Variants in EPG5 observed in about 807,000 individuals in gnomAD.
EPG5 encodes the protein ectopic P-granules 5 autophagy tethering factor, also known as ectopic P granules protein 5 homolog.
In EPG5, 159 loss-of-function variants were observed where a neutral mutation model predicts 302.7. The ratio of observed to expected loss-of-function variants is 0.53; its 90% confidence interval spans 0.46 to 0.60. The LOEUF is 0.60. Among genes scored for constraint, EPG5 ranks in the 20% least tolerant of loss-of-function variants. The probability of loss-of-function intolerance (pLI) is 0.00; values close to 1 mark genes in which losing one functional copy is unlikely to be tolerated. For synonymous variants in EPG5, 1,158 were observed against 1,136.8 expected, an observed-to-expected ratio of 1.02 and a Z score of -0.37; for missense variants, 2,896 against 3,092.4, an observed-to-expected ratio of 0.94 and a Z score of 1.51.
At position 45,879,218 on chromosome 18, in the gene EPG5, G is replaced by A; in HGVS notation, c.5668-4C>T. The A allele has an allele frequency of 6.3e-7, 1 of 1,596,966 alleles. No individual in the cohort carries two copies. Among genetic ancestry groups the A allele is most frequent in the Non-Finnish European group, 8.5e-7 (1 of 1,174,098 alleles). On this transcript the variant is annotated splice_region_variant and splice_polypyrimidine_tract_variant and intron_variant, in intron 32 of 43. Coordinates refer to ENST00000282041, the MANE Select transcript of EPG5 (RefSeq NM_020964.3). Reference sequence around the variant, plus strand: ...GCCACTGTATAGTCTCCATTACCTGGAAGAGACAACTAGTCAAAAAATGCT... The same window carrying A: ...GCCACTGTATAGTCTCCATTACCTGAAAGAGACAACTAGTCAAAAAATGCT...
At chr18:45,840,061 G>A in the EPG5 span, 1 of 765,330 alleles carries the variant, frequency 1.3e-6, no homozygotes, top group South Asian at 2.2e-5. Context: ...AGGGTTCCAT[G>A]GCACAGCTTC....
At chr18:45,854,180 G>A (rs2048468744) in intron 43 of EPG5, among the ~76,000 whole-genome samples, 1 of 152,136 alleles carries the variant, frequency 6.6e-6, no homozygotes, top group Non-Finnish European at 1.5e-5. Flanking sequence ...CTGCCCACTG[G>A]GATGTTTCAT....
At chr18:45,955,372 T>C in intron 1 of EPG5, 34 bp from the exon 2 acceptor site, 3 of 1,382,104 alleles carry the variant, frequency 2.2e-6, no homozygotes, top group Non-Finnish European at 1.9e-6. Context: ...AAATAATTTA[T>C]CACAATAATT....
At chr18:45,870,886 T>G in intron 35 of EPG5, 144 bp from the exon 36 acceptor site, 2 of 619,014 alleles carry the variant, frequency 3.2e-6, no homozygotes, top group Non-Finnish European at 5.4e-6. Context: ...GGAGAGTGGT[T>G]AAGGGGACTA....
chr18:45,963,492 C>G (rs1320875953), intron 1 of EPG5, among the ~76,000 whole-genome samples: 1 of 152,128 alleles, frequency 6.6e-6, no homozygotes, highest in African/African-American at 2.4e-5. Flanking sequence ...CAAAAATTAG[C>G]CCAGCATGGT....
At chr18:45,881,643 G>A (rs932463207) in intron 31 of EPG5, among the ~76,000 whole-genome samples, 3 of 151,986 alleles carry the variant, frequency 2.0e-5, no homozygotes, top group East Asian at 3.9e-4. Flanking sequence ...ACTGCCTAGC[G>A]AAACTCCAAA....
chr18:45,808,194 G>A, the EPG5 span, among the ~76,000 whole-genome samples: 3 of 152,032 alleles, frequency 2.0e-5, no homozygotes, highest in Admixed American at 6.6e-5. Flanking sequence ...AAAAAGATAA[G>A]AAAATATGAA....
chr18:45,908,212 A>G lies in EPG5; in HGVS notation c.4206-131T>C, dbSNP rs984330410. ...GCCCATAATACAGAAAATGTGGCCAACAACCACCACGGCTCCCAGAGAACT... is the reference window on the plus strand; with the variant it reads ...GCCCATAATACAGAAAATGTGGCCAGCAACCACCACGGCTCCCAGAGAACT... On this transcript the variant is annotated intron_variant, in intron 23 of 43. Coordinates refer to ENST00000282041, the MANE Select transcript of EPG5 (RefSeq NM_020964.3). The G allele has an allele frequency of 1.1e-5, 7 of 651,182 alleles. No individual in the cohort carries two copies. In the African/African-American group the frequency reaches 1.2e-4, roughly 11 times the overall value. 40.3% of individuals were successfully genotyped at this position (651,182 alleles called of 1,614,324 possible). A position where few individuals can be genotyped will look rare whatever the true frequency, so the allele number is the denominator to read the frequency against.
rs754795342 is a variant in EPG5 at position 45,930,737 on chromosome 18, T to G, written c.2351A>C (p.Gln784Pro). Residue 784 changes from glutamine (Q) to proline (P), a missense_variant, in exon 12 of 44, where the codon CAG (glutamine) becomes CCG (proline). Gln to Pro is a moderately conservative substitution (Grantham distance 76). This residue lies in a region of EPG5 where 1,390 missense variants were observed against 1,430.0 expected (regional missense o/e 0.97). Coordinates refer to ENST00000282041, the MANE Select transcript of EPG5 (RefSeq NM_020964.3). The part of the protein sequence containing the change: ...CLLTTFAQMA[Q>P]ARRTNVDEDF... ...TTCGTCCACATTGGTTCTTCTGGCC[T>G]GAGCCATCTGAGCAAAGGTAGTCAG... is the stretch of plus-strand genomic sequence containing the variant. 21 of 1,611,222 alleles carry G rather than the reference T, an allele frequency of 1.3e-5. No homozygotes were observed. Among genetic ancestry groups the G allele is most frequent in the South Asian group, 6.6e-5 (6 of 90,314 alleles).
At chr18:45,930,592 TA>T in intron 12 of EPG5, 83 bp downstream of exon 12, 1 of 1,191,286 alleles carries the variant, frequency 8.4e-7, no homozygotes, top group Non-Finnish European at 1.2e-6. Flanking sequence ...TCACAATTTG[TA>T]AAAGCAATCC....
At chr18:45,870,476 C>A in intron 36 of EPG5, 91 bp downstream of exon 36, 1 of 1,161,296 alleles carries the variant, frequency 8.6e-7, no homozygotes, top group South Asian at 1.6e-5. Flanking sequence ...CGCTAGCACA[C>A]ACTGCCACTA....
Position 45,922,327 on chromosome 18 carries a change from G to A in EPG5, c.3098+14C>T, listed in dbSNP as rs1250164286. On this transcript the variant is annotated intron_variant, in intron 16 of 43. Transcript: ENST00000282041. Reference sequence around the variant, plus strand: ...AAGGTTCAGTAACCCTAGTGGTTCAGCCCAACACTGTACCTGTGGCCCACA... The same window carrying A: ...AAGGTTCAGTAACCCTAGTGGTTCAACCCAACACTGTACCTGTGGCCCACA... 5.0e-6 allele frequency: 8 copies of A among 1,613,654 alleles called. No homozygotes were observed. The East Asian group carries it at 1.6e-4, about 31-fold the overall frequency.
At chr18:45,824,023 G>A in the EPG5 span, among the ~76,000 whole-genome samples, 3 of 152,194 alleles carry the variant, frequency 2.0e-5, no homozygotes, top group South Asian at 6.2e-4. Context: ...TGATACTGAG[G>A]ACTGAGGGTT....
intron 37 of EPG5, 76 bp from the exon 38 acceptor site, chr18:45,867,083 G>A: frequency 1.0e-6 from 1 of 1,002,574 alleles, no homozygotes. Context: ...ACTAGTCTGT[G>A]GAATAACTAC....
chr18:45,920,893 C>T (rs2050141074), intron 16 of EPG5, among the ~76,000 whole-genome samples: 1 of 152,204 alleles, frequency 6.6e-6, no homozygotes, highest in African/African-American at 2.4e-5. Context: ...TCCCACCATA[C>T]TGATCTCTCC....
chr18:45,891,579 A>G (rs2049349507), intron 27 of EPG5, among the ~76,000 whole-genome samples: 2 of 152,066 alleles, frequency 1.3e-5, no homozygotes, highest in South Asian at 2.1e-4. Flanking sequence ...CCAGCACAGC[A>G]TAACTCTGAC....
the EPG5 span, chr18:45,842,256 G>A: frequency 6.5e-7 from 1 of 1,547,972 alleles, no homozygotes; most frequent in Non-Finnish European, 8.9e-7. Flanking sequence ...GGCTTGGCTG[G>A]CACAGCCAGT....
intron 26 of EPG5, among the ~76,000 whole-genome samples, chr18:45,899,908 ATAAG>A (rs1458300145): frequency 6.6e-6 from 1 of 152,234 alleles, no homozygotes; most frequent in South Asian, 2.1e-4. Flanking sequence ...TGCCTTAATT[ATAAG>A]TACCAATGAC....
chr18:45,856,405 G>A (rs1023216116), intron 42 of EPG5, among the ~76,000 whole-genome samples: 75 of 152,214 alleles, frequency 4.9e-4, no homozygotes, highest in African/African-American at 1.7e-3. Flanking sequence ...TAAAGGGAAT[G>A]GAGGTGACTA....
Sources: gnomAD v4.1 joint callset for allele counts (sites outside exome capture counted in the v4.1 genomes callset) on GRCh38, gnomAD v4.1.1 for gene constraint, gnomAD v4.1.1 regional missense constraint, MANE v1.5 for transcripts, NCBI Gene and HGNC (gene_info 2026-07-23, HGNC 2026-07-21) for gene names.